SYT6: variants seen among roughly 807,000 people sequenced by gnomAD.
The protein encoded by SYT6 is synaptotagmin-6.
SYT6 carries 24 observed loss-of-function variants against 38.4 expected under a neutral mutation model. That is an observed-to-expected ratio of 0.62 (90% confidence interval 0.45 to 0.88). The LOEUF is 0.88. Ranked by LOEUF, SYT6 falls within the 40% of genes least tolerant of loss-of-function variation. The pLI is 0.00. For missense variants in SYT6, 611 were observed against 621.0 expected, an observed-to-expected ratio of 0.98 and a Z score of 0.17; for synonymous variants, 265 against 241.9, an observed-to-expected ratio of 1.10 and a Z score of -0.89.
chr1:114,093,282 C>A (rs1264284381), intron 7 of SYT6, among the ~76,000 whole-genome samples: 1 of 152,168 alleles, frequency 6.6e-6, no homozygotes, highest in African/African-American at 2.4e-5. Context: ...TCAGGAAGGA[C>A]CCAGACCTAC....
At chr1:114,128,985 T>C (rs114949458) in intron 3 of SYT6, among the ~76,000 whole-genome samples, 1,538 of 152,340 alleles carry the variant, frequency 0.01, 26 homozygotes, top group African/African-American at 0.036. Flanking sequence ...CCAGACTTTA[T>C]ATCCAGCTTC....
At chr1:114,114,733 T>C (rs1198643230) in intron 3 of SYT6, among the ~76,000 whole-genome samples, 1 of 152,248 alleles carries the variant, frequency 6.6e-6, no homozygotes, top group East Asian at 1.9e-4. Flanking sequence ...CGAGAGATTC[T>C]GAGGTTGCCC....
intron 5 of SYT6, 104 bp from the exon 6 acceptor site, chr1:114,097,981 G>A (rs897948632): frequency 4.5e-6 from 6 of 1,321,980 alleles, no homozygotes; most frequent in Non-Finnish European, 6.2e-6. Context: ...GTCTAACTCA[G>A]AACTCTGAGC....
chr1:114,153,254 C>T (rs1335235237), intron 1 of SYT6, among the ~76,000 whole-genome samples: 2 of 152,236 alleles, frequency 1.3e-5, no homozygotes, highest in Non-Finnish European at 2.9e-5. Context: ...GTCTCCCGCT[C>T]TCTCCATGGA....
intron 3 of SYT6, among the ~76,000 whole-genome samples, chr1:114,135,448 A>G (rs1003240323): frequency 1.3e-5 from 2 of 152,024 alleles, no homozygotes; most frequent in Non-Finnish European, 2.9e-5. Context: ...CCCACCCTCA[A>G]CCCCATGCCT....
chr1:114,111,314 T>C (rs986969221), intron 3 of SYT6, among the ~76,000 whole-genome samples: 3 of 152,174 alleles, frequency 2.0e-5, no homozygotes, highest in Admixed American at 1.3e-4. Context: ...TGGCTACTAC[T>C]ATTATCACCA....
chr1:114,102,713 CAGG>C (rs1410706206), intron 4 of SYT6, among the ~76,000 whole-genome samples: 1 of 152,170 alleles, frequency 6.6e-6, no homozygotes, highest in Admixed American at 6.5e-5. Context: ...GTCTCTTGAG[CAGG>C]AGGACAGGGG....
Position 114,093,740 on chromosome 1 carries a change from A to G in SYT6, c.*46T>C. 6.2e-7 allele frequency: 1 copy of G among 1,613,590 alleles called. No individual in the cohort carries two copies. The stretch of plus-strand genomic sequence containing the variant: ...GGTCCACACCAGGTACTTACTCCTA[A>G]CTCCAGGTGGCAGTCTCTCTGCTTG... On this transcript the variant is annotated 3_prime_UTR_variant, in exon 7 of 8. Coordinates refer to ENST00000610222, the MANE Select transcript of SYT6 (RefSeq NM_001253772.2).
At chr1:114,126,836 G>T (rs1677774545) in intron 3 of SYT6, among the ~76,000 whole-genome samples, 1 of 152,206 alleles carries the variant, frequency 6.6e-6, no homozygotes, top group Non-Finnish European at 1.5e-5. Flanking sequence ...GGAAGACAGG[G>T]CTGCGGTCTG....
intron 3 of SYT6, among the ~76,000 whole-genome samples, chr1:114,121,996 G>A (rs926921915): frequency 6.6e-6 from 1 of 152,172 alleles, no homozygotes; most frequent in Non-Finnish European, 1.5e-5. Context: ...CCACACAGTG[G>A]AGCCACCTTC....
At chr1:114,112,628 G>C (rs1676753353) in intron 3 of SYT6, among the ~76,000 whole-genome samples, 1 of 152,242 alleles carries the variant, frequency 6.6e-6, no homozygotes, top group Non-Finnish European at 1.5e-5. Flanking sequence ...GTAATGCCTG[G>C]TCAAGCCAGG....
intron 2 of SYT6, 104 bp from the exon 3 acceptor site, chr1:114,138,157 T>G (rs1421578599): frequency 6.1e-6 from 7 of 1,139,340 alleles, no homozygotes; most frequent in Non-Finnish European, 8.5e-6. Flanking sequence ...TTATCCCTTG[T>G]TGAGCCCCCT....
chr1:114,141,746 C>A (rs1173106912), intron 1 of SYT6, among the ~76,000 whole-genome samples: 2 of 152,340 alleles, frequency 1.3e-5, no homozygotes, highest in South Asian at 4.1e-4. Context: ...AAAGGACAGG[C>A]TGACTCTCTT....
intron 3 of SYT6, among the ~76,000 whole-genome samples, chr1:114,103,972 C>A (rs563313845): frequency 2.0e-5 from 3 of 152,098 alleles, no homozygotes; most frequent in Non-Finnish European, 4.4e-5. Flanking sequence ...ACATTCTGAC[C>A]CTGGTCCTTG....
At position 114,121,470 on chromosome 1, in the gene SYT6, A is replaced by G. The variant is rs372426694; in HGVS notation, c.1071+16025T>C. The stretch of plus-strand genomic sequence containing the variant: ...GTAGTCCTCTCCCTTCACTGCATTC[A>G]CATTGTTTTCTAAGCAACAGGAGGA... On this transcript the variant is annotated intron_variant, in intron 3 of 7. Transcript: ENST00000610222. Among the ~76,000 whole-genome samples, 73 of 152,186 alleles carry G rather than the reference A, an allele frequency of 4.8e-4. 1 individual carries two copies. The highest frequency in any genetic ancestry group is 1.5e-3 in the African/African-American group (64 of 41,514).
chr1:114,092,217 C>A (rs1300993049), intron 7 of SYT6, 135 bp from the exon 8 acceptor site: 36 of 794,432 alleles, frequency 4.5e-5, no homozygotes, highest in Non-Finnish European at 5.7e-5. Context: ...TGCTGTCAGC[C>A]ATGCAAAAAC....
At chr1:114,115,981 C>T (rs559001078) in intron 3 of SYT6, among the ~76,000 whole-genome samples, 2 of 152,034 alleles carry the variant, frequency 1.3e-5, no homozygotes, top group Non-Finnish European at 2.9e-5. Context: ...TGCCGAGGAC[C>T]GTGTAGGTTT....
chr1:114,094,932 T>C (rs1226344340), intron 6 of SYT6, among the ~76,000 whole-genome samples: 1 of 152,252 alleles, frequency 6.6e-6, no homozygotes, highest in African/African-American at 2.4e-5. Context: ...AGGTGCTTAC[T>C]TAATGTCAGC....
chr1:114,095,697 G>A (rs929137252), intron 6 of SYT6, among the ~76,000 whole-genome samples: 6 of 149,840 alleles, frequency 4.0e-5, no homozygotes, highest in African/African-American at 2.5e-5. Flanking sequence ...GTCTCGCTCT[G>A]TTGTCCAGGC....
Sources: allele counts gnomAD v4.1 joint callset (sites outside exome capture counted in the v4.1 genomes callset), GRCh38; gene constraint gnomAD v4.1.1; transcripts MANE v1.5; gene names NCBI Gene and HGNC (gene_info 2026-07-23, HGNC 2026-07-21).